The following PKD1 variants were observed in gnomAD, a reference collection of about 807,000 sequenced individuals.
PKD1 encodes polycystin-1.
In PKD1, 81 loss-of-function variants were observed where a neutral mutation model predicts 361.7. The observed-to-expected ratio is 0.22, with a 90% CI of 0.19 to 0.27. PKD1 has a LOEUF of 0.27. Among genes scored for constraint, PKD1 ranks in the 10% least tolerant of loss-of-function variants. The pLI is 1.00. For synonymous variants in PKD1, 3,615 were observed against 2,818.3 expected, an observed-to-expected ratio of 1.28 and a Z score of -8.95; for missense variants, 6,399 against 6,118.3, an observed-to-expected ratio of 1.05 and a Z score of -1.53.
In PKD1 at chr16:2,097,754, A is replaced by G. The variant is rs773251931; in HGVS notation, c.10194T>C (p.Ser3398=). 49 of 1,610,900 alleles carry G rather than the reference A, an allele frequency of 3.0e-5. No individual in the cohort carries two copies. The South Asian group carries it at 5.4e-4, about 18-fold the overall frequency. The part of the protein sequence containing the change: ...AEQAFVGQMK[S]DLFLDDSKSL... ...TCTTAGAATCATCCAGAAACAAGTCACTCTTCATCTGTCCAACAAAGGCCT... is the reference window on the plus strand; with the variant it reads ...TCTTAGAATCATCCAGAAACAAGTCGCTCTTCATCTGTCCAACAAAGGCCT... Residue 3398 remains serine (S), a synonymous_variant, in exon 32 of 46, where the codon AGT becomes AGC. Transcript: ENST00000262304.
At position 2,118,562 on chromosome 16, in the gene PKD1, C is replaced by A. The variant is rs2092676477; in HGVS notation, c.530-100G>T. ...CACTCACAGGCTCCCATGCTGTTCC[C>A]TTGGCCCGGAGGCCCCCCCCAGAGA... On this transcript the variant is annotated intron_variant, in intron 4 of 45. Transcript: ENST00000262304. This position sits in a 1 kb window ranked among gnomAD's most constrained non-coding sequence, Gnocchi z 6.0. The A allele has an allele frequency of 1.1e-5, 12 of 1,098,754 alleles. No individual in the cohort carries two copies. The highest frequency in any genetic ancestry group is 1.5e-5 in the Non-Finnish European group (11 of 749,586). The allele number at this position is 1,098,754 out of a possible 1,614,324, so 68.1% of individuals were successfully genotyped here.
intron 30 of PKD1, 175 bp from the exon 31 acceptor site, chr16:2,098,159 T>A: frequency 1.6e-6 from 1 of 608,364 alleles, no homozygotes. Context: ...TCGCGACGTG[T>A]GCCACTGAAC....
rs770813339 is a variant in PKD1 at position 2,090,197 on chromosome 16, G to A, written c.12445-3C>T. Reference sequence around the variant, plus strand: ...TCAAAGCGGACTTTGTGGCGGAACTGGGGGCGGCACAGGGGCTCAGTCAGT... The same window carrying A: ...TCAAAGCGGACTTTGTGGCGGAACTAGGGGCGGCACAGGGGCTCAGTCAGT... On this transcript the variant is annotated splice_polypyrimidine_tract_variant and splice_region_variant and intron_variant, in intron 45 of 45. Transcript: ENST00000262304. 4.4e-6 allele frequency: 7 copies of A among 1,605,524 alleles called. No homozygotes were observed. The South Asian group carries it at 5.5e-5, about 13-fold the overall frequency.
At position 2,115,493 on chromosome 16, in the gene PKD1, T is replaced by A. The variant is rs745694664; in HGVS notation, c.1982A>T (p.His661Leu). The change falls in exon 10 of 46, where the codon CAC (histidine) becomes CTC (leucine). Residue 661 changes from histidine (H) to leucine (L), a missense_variant. By Grantham distance (99) the His-to-Leu change is moderately conservative. Coordinates refer to ENST00000262304, the MANE Select transcript of PKD1 (RefSeq NM_001009944.3). ...NICLPLDASCHPQACANGCTS... is the reference protein window; with the variant it reads ...NICLPLDASCLPQACANGCTS... ...GCAGCCATTGGCGCAGGCCTGGGGG[T>A]GGCAGGAGGCGTCCAGCGGCAAGCA... 4.3e-5 allele frequency: 69 copies of A among 1,601,456 alleles called. No individual in the cohort carries two copies. The highest frequency in any genetic ancestry group is 5.7e-5 in the Non-Finnish European group (67 of 1,175,656).
In PKD1 at chr16:2,097,889, C is replaced by A. The variant is rs770994071; in HGVS notation, c.10146G>T (p.Thr3382=). ...TCACCTCAGCGTGGAGGCCTGAGAA[C>A]GTGAGGAAGGAGCTGTCCAGCACGG... ...DSSVLDSSFL[T]FSGLHAEQAF... The change falls in exon 31 of 46, where the codon ACG becomes ACT. Residue 3382 remains threonine, a synonymous_variant. Transcript: ENST00000262304. 2 of 1,604,026 alleles carry A rather than the reference C, an allele frequency of 1.2e-6. No individual in the cohort carries two copies. The highest frequency in any genetic ancestry group is 1.7e-6 in the Non-Finnish European group (2 of 1,173,528).
chr16:2,088,881 G>GCGCACAGA lies in PKD1; in HGVS notation c.*845_*846insTCTGTGCG, dbSNP rs142285430. 2.4e-6 allele frequency: 1 copy of GCGCACAGA among 410,744 alleles called. No individual in the cohort carries two copies. The allele number at this position is 410,744 out of a possible 1,614,324, so 25.4% of individuals were successfully genotyped here. On this transcript the variant is annotated 3_prime_UTR_variant, in exon 46 of 46. Coordinates refer to ENST00000262304, the MANE Select transcript of PKD1 (RefSeq NM_001009944.3). ...ACAGCACACTCGCGCGTGCGCGCGCGCACACACACACACACACAGTCACCT... is the reference window on the plus strand; with the variant it reads ...ACAGCACACTCGCGCGTGCGCGCGCGCGCACAGACACACACACACACACACAGTCACCT...
At position 2,109,953 on chromosome 16, in the gene PKD1, G is replaced by A; in HGVS notation, c.5214C>T (p.Leu1738=). The stretch of plus-strand genomic sequence containing the variant: ...CACTGCCACCAGCCAGCTCGGCACT[G>A]AGGGTGACGCTTGTGTTGACGGCAG... The part of the protein sequence containing the change: ...NPAAVNTSVT[L]SAELAGGSGV... The change falls in exon 15 of 46, where the codon CTC becomes CTT. Residue 1738 remains leucine (L), a synonymous_variant. Transcript: ENST00000262304. 6.2e-7 allele frequency: 1 copy of A among 1,610,080 alleles called. No individual in the cohort carries two copies. Among genetic ancestry groups the A allele is most frequent in the East Asian group, 2.2e-5 (1 of 44,862 alleles).
intron 5 of PKD1, 56 bp downstream of exon 5, chr16:2,117,735 C>T: frequency 2.4e-6 from 3 of 1,276,312 alleles, no homozygotes; most frequent in South Asian, 1.2e-5. Context: ...GGGTACCAGG[C>T]TCTGCCCCAT....
chr16:2,129,141 G>A (rs1272369196), intron 1 of PKD1, among the ~76,000 whole-genome samples: 3 of 151,004 alleles, frequency 2.0e-5, no homozygotes, highest in Non-Finnish European at 2.9e-5. Flanking sequence ...GATTACAGGC[G>A]TGAACCACCG....
At chr16:2,121,663 G>A (rs1475685584) in intron 1 of PKD1, among the ~76,000 whole-genome samples, 13 of 151,930 alleles carry the variant, frequency 8.6e-5, no homozygotes, top group Admixed American at 8.5e-4. Context: ...ACCTCCCCTC[G>A]GCCTCAAGCA....
intron 22 of PKD1, 140 bp downstream of exon 22, chr16:2,104,358 G>A (rs1305200083): frequency 1.8e-4 from 96 of 534,942 alleles, no homozygotes; most frequent in Admixed American, 8.4e-4. Context: ...ATTGGGGGAG[G>A]GGGATGAGGA....
In PKD1 at chr16:2,102,378, C is replaced by T; in HGVS notation, c.9201+3G>A. ...AGGCTCCCAGGAGCACAGGGTCACT[C>T]ACAGGAAACACAAAGCGGACATGGC... On this transcript the variant is annotated splice_donor_region_variant and intron_variant, in intron 25 of 45. Transcript: ENST00000262304. The T allele has an allele frequency of 1.9e-6, 3 of 1,555,038 alleles. No individual in the cohort carries two copies. The highest frequency in any genetic ancestry group is 2.6e-6 in the Non-Finnish European group (3 of 1,150,214).
rs2092341108 is a variant in PKD1 at position 2,106,494 on chromosome 16, G to C, written c.7393C>G (p.Leu2465Val). Residue 2465 changes from leucine (L) to valine (V), a missense_variant, in exon 18 of 46, where the codon CTG becomes GTG. Transcript: ENST00000262304. The surrounding 1 kb of genome is among the most constrained non-coding windows in gnomAD (Gnocchi z 6.5). ...GEEEGCASIR[L>V]SPNRPPLGGS... ...CCCAGCGGCGGGCGGTTGGGGGACA[G>C]GCGGATGGAGGCGCAGCCCTCCTCC... The C allele has an allele frequency of 6.3e-7, 1 of 1,594,178 alleles. No individual in the cohort carries two copies. Among genetic ancestry groups the C allele is most frequent in the Non-Finnish European group, 8.5e-7 (1 of 1,177,934 alleles).
At chr16:2,133,832 TC>T (rs2092917426) in intron 1 of PKD1, among the ~76,000 whole-genome samples, 1 of 151,470 alleles carries the variant, frequency 6.6e-6, no homozygotes, top group Non-Finnish European at 1.5e-5. Flanking sequence ...AGGGTCCCCC[TC>T]CTCCAAACCC....
In PKD1 at chr16:2,106,088, C is replaced by A; in HGVS notation, c.7703+3G>T. On this transcript the variant is annotated splice_donor_region_variant and intron_variant, in intron 19 of 45. Transcript: ENST00000262304. The surrounding 1 kb of genome is among the most constrained non-coding windows in gnomAD (Gnocchi z 6.5). ...GGGGGCGCCCTCCCACGGCCTGGCT[C>A]ACCTGTTGAGGGCGACCACAGCGGC... 1 of 1,606,122 alleles carries A rather than the reference C, an allele frequency of 6.2e-7. No homozygotes were observed. The highest frequency in any genetic ancestry group is 8.5e-7 in the Non-Finnish European group (1 of 1,176,726).
At chr16:2,125,575 G>T (rs554924633) in intron 1 of PKD1, among the ~76,000 whole-genome samples, 1 of 152,214 alleles carries the variant, frequency 6.6e-6, no homozygotes, top group Non-Finnish European at 1.5e-5. Context: ...GAGGCTGAAC[G>T]AGGGAGATGA....
intron 10 of PKD1, 88 bp downstream of exon 10, chr16:2,115,290 G>C: frequency 7.5e-7 from 1 of 1,337,344 alleles, no homozygotes; most frequent in Admixed American, 2.1e-5. Context: ...GGCTGGGTGT[G>C]TCTGGTGCAC....
In PKD1 at chr16:2,109,749, G is replaced by T. The variant is rs536088033; in HGVS notation, c.5418C>A (p.Ser1806Arg). ...TGCCTCCGGGCTCGCTGGCCCTGAT[G>T]CTGAGGCCACTCACAGGCACCTGCA... ...VDVQVPVSGL[S>R]IRASEPGGSF... Residue 1806 changes from serine (S) to arginine (R), a missense_variant, in exon 15 of 46, where the codon AGC (serine) becomes AGA (arginine). Physicochemically the swap from Ser to Arg is moderately radical, Grantham distance 110. Coordinates refer to ENST00000262304, the MANE Select transcript of PKD1 (RefSeq NM_001009944.3). The T allele has an allele frequency of 3.1e-6, 5 of 1,609,352 alleles. No individual in the cohort carries two copies. In the Admixed American group the frequency reaches 8.4e-5, roughly 27 times the overall value.
intron 7 of PKD1, 75 bp from the exon 8 acceptor site, chr16:2,116,719 C>T (rs186815115): frequency 7.1e-5 from 84 of 1,189,192 alleles, no homozygotes; most frequent in Admixed American, 5.0e-4. Context: ...GGGACCGAGC[C>T]GCCCGAAAAC....
Sources: allele counts gnomAD v4.1 joint callset (sites outside exome capture counted in the v4.1 genomes callset), GRCh38; gene constraint gnomAD v4.1.1; non-coding constraint Gnocchi (gnomAD v3.1); transcripts MANE v1.5; gene names NCBI Gene and HGNC (gene_info 2026-07-23, HGNC 2026-07-21).